Variants in ABLIM1 observed in about 807,000 individuals in gnomAD.
ABLIM1 encodes actin-binding LIM protein 1.
Under a neutral mutation model 107.0 loss-of-function variants are expected in ABLIM1, and 40 were observed. That is an observed-to-expected ratio of 0.37 (90% CI 0.29 to 0.49). The LOEUF is 0.49. Ranked by LOEUF, ABLIM1 falls within the 20% of genes least tolerant of loss-of-function variation. The pLI, the probability that ABLIM1 is intolerant of heterozygous loss-of-function variation, is 0.97. For synonymous variants in ABLIM1, 357 were observed against 357.3 expected (o/e 1.00, Z 0.01); for missense variants, 857 against 1,008.5 (o/e 0.85, Z 2.04).
Position 114,488,022 on chromosome 10 carries a change from A to C in ABLIM1, c.983-6T>G. On this transcript the variant is annotated splice_region_variant and splice_polypyrimidine_tract_variant and intron_variant, in intron 7 of 22. Coordinates refer to ENST00000533213, the MANE Select transcript of ABLIM1 (RefSeq NM_002313.7). ...GGGATGCCAAACGGTGGAGCCTGAG[A>C]AGACAGAATGCACTACTAAGAGCCA... The C allele has an allele frequency of 1.9e-6, 3 of 1,614,068 alleles. No homozygotes were observed. The highest frequency in any genetic ancestry group is 2.5e-6 in the Non-Finnish European group (3 of 1,179,990).
intron 12 of ABLIM1, among the ~76,000 whole-genome samples, chr10:114,458,033 A>G (rs2063156507): frequency 6.6e-6 from 1 of 152,124 alleles, no homozygotes; most frequent in Non-Finnish European, 1.5e-5. Flanking sequence ...AAATTGCACC[A>G]CTGCACTCCA....
chr10:114,767,378 CTT>C (rs2082921455), intron 1 of ABLIM1, among the ~76,000 whole-genome samples: 2 of 152,174 alleles, frequency 1.3e-5, no homozygotes, highest in South Asian at 4.1e-4. Context: ...GACTTGATCT[CTT>C]TAATATTTCA....
chr10:114,599,335 T>C (rs760115680), intron 2 of ABLIM1, among the ~76,000 whole-genome samples: 2 of 152,268 alleles, frequency 1.3e-5, no homozygotes, highest in South Asian at 2.1e-4. Flanking sequence ...ATTTGGTCCA[T>C]AGAATTAAAC....
At chr10:114,676,880 C>T (rs1371355883) in intron 1 of ABLIM1, among the ~76,000 whole-genome samples, 2 of 152,222 alleles carry the variant, frequency 1.3e-5, no homozygotes, top group East Asian at 3.9e-4. Context: ...GGAGTACAGG[C>T]GTGCACCAGC....
chr10:114,476,443 A>G (rs1270830328), intron 8 of ABLIM1, among the ~76,000 whole-genome samples: 2 of 152,028 alleles, frequency 1.3e-5, no homozygotes, highest in Non-Finnish European at 2.9e-5. Context: ...GGAGTTTGAG[A>G]CCAGCCTGGC....
Position 114,436,130 on chromosome 10 carries a change from CTT to C in ABLIM1, c.*128_*129del. 1 of 669,446 alleles carries C rather than the reference CTT, an allele frequency of 1.5e-6. No individual in the cohort carries two copies. The highest frequency in any genetic ancestry group is 2.6e-6 in the Non-Finnish European group (1 of 386,690). 41.5% of individuals were successfully genotyped at this position (669,446 alleles called of 1,614,324 possible). ...TTTGACTCATGGTGTTTTAACCAGACTTTCTCTTTTTGGTGTTGCTGAGCGAC... is the reference window on the plus strand; with the variant it reads ...TTTGACTCATGGTGTTTTAACCAGACTCTCTTTTTGGTGTTGCTGAGCGAC... On this transcript the variant is annotated 3_prime_UTR_variant, in exon 23 of 23. Coordinates refer to ENST00000533213, the MANE Select transcript of ABLIM1 (RefSeq NM_002313.7).
chr10:114,735,372 TA>T, intron 1 of ABLIM1, among the ~76,000 whole-genome samples: 1 of 152,216 alleles, frequency 6.6e-6, no homozygotes. Context: ...AAAACAACAA[TA>T]AAAAAATTCT....
Position 114,665,513 on chromosome 10 carries a change from A to C in ABLIM1, c.64+18777T>G, listed in dbSNP as rs576750658. On this transcript the variant is annotated intron_variant, in intron 1 of 23. Transcript: ENST00000369256. ...CGTCAAAGGACATGGAGAAGCTCTTAGAAAGAAAAACCTATCCTTCCACAT... is the reference window on the plus strand; with the variant it reads ...CGTCAAAGGACATGGAGAAGCTCTTCGAAAGAAAAACCTATCCTTCCACAT... Among the ~76,000 whole-genome samples, 4 of 152,378 alleles carry C rather than the reference A, an allele frequency of 2.6e-5. No homozygotes were observed. The South Asian group carries it at 8.3e-4, about 32-fold the overall frequency.
At chr10:114,518,405 C>T (rs2063230150) in intron 6 of ABLIM1, among the ~76,000 whole-genome samples, 1 of 151,722 alleles carries the variant, frequency 6.6e-6, no homozygotes, top group Non-Finnish European at 1.5e-5. Context: ...CCAGATAGTA[C>T]ATATTTTCAG....
At chr10:114,556,433 T>G (rs140142829) in intron 4 of ABLIM1, among the ~76,000 whole-genome samples, 6 of 152,324 alleles carry the variant, frequency 3.9e-5, no homozygotes, top group African/African-American at 1.4e-4. Context: ...GGCAAGGGTT[T>G]CCATCCCTCC....
chr10:114,705,748 A>G (rs187521750), intron 1 of ABLIM1, among the ~76,000 whole-genome samples: 11 of 152,372 alleles, frequency 7.2e-5, no homozygotes, highest in Non-Finnish European at 1.5e-4. Flanking sequence ...CTACCTTCCA[A>G]AGGAAGTTAT....
intron 6 of ABLIM1, among the ~76,000 whole-genome samples, chr10:114,506,950 C>T (rs957417679): frequency 2.0e-5 from 3 of 152,168 alleles, no homozygotes; most frequent in Non-Finnish European, 2.9e-5. Context: ...GTAGTTGATG[C>T]CTTAGCTTTG....
chr10:114,784,680 A>G, the ABLIM1 span, among the ~76,000 whole-genome samples: 2 of 119,638 alleles, frequency 1.7e-5, no homozygotes, highest in African/African-American at 3.3e-5. Context: ...AAAAAAAAAA[A>G]AAAGAAAAAG....
chr10:114,515,101 G>A (rs1198648138), intron 6 of ABLIM1, among the ~76,000 whole-genome samples: 3 of 152,192 alleles, frequency 2.0e-5, no homozygotes, highest in Non-Finnish European at 4.4e-5. Flanking sequence ...TCACATTAAA[G>A]GTAAGTCATG....
chr10:114,777,672 T>G, the ABLIM1 span, among the ~76,000 whole-genome samples: 2 of 152,196 alleles, frequency 1.3e-5, no homozygotes, highest in Non-Finnish European at 2.9e-5. Flanking sequence ...CATATGCTCC[T>G]GTGTGTTCAG....
the ABLIM1 span, among the ~76,000 whole-genome samples, chr10:114,774,333 A>G: frequency 1.3e-5 from 2 of 152,206 alleles, no homozygotes; most frequent in African/African-American, 4.8e-5. Context: ...TTCTGACTAG[A>G]GGAAACTCCC....
In ABLIM1 at chr10:114,623,429, G is replaced by C. The variant is rs114561913; in HGVS notation, c.245-21468C>G. ...ATGAAACATGGCTTTGTTTCATCCTGCTGGAGAGCCAGAGTGACAGTGATG... is the reference window on the plus strand; with the variant it reads ...ATGAAACATGGCTTTGTTTCATCCTCCTGGAGAGCCAGAGTGACAGTGATG... On this transcript the variant is annotated intron_variant, in intron 1 of 22. Coordinates refer to ENST00000533213, the MANE Select transcript of ABLIM1 (RefSeq NM_002313.7). Among the ~76,000 whole-genome samples, 529 of 152,302 alleles carry C rather than the reference G, an allele frequency of 3.5e-3. 2 individuals carry two copies. Among genetic ancestry groups the C allele is most frequent in the African/African-American group, 0.012 (503 of 41,570 alleles).
rs545171735 is a variant in ABLIM1 at position 114,580,419 on chromosome 10, C to T, written c.380-4820G>A. Among the ~76,000 whole-genome samples, 6 of 152,146 alleles carry T rather than the reference C, an allele frequency of 3.9e-5. No individual in the cohort carries two copies. The South Asian group carries it at 1.2e-3, about 31-fold the overall frequency. On this transcript the variant is annotated intron_variant, in intron 2 of 22. Coordinates refer to ENST00000533213, the MANE Select transcript of ABLIM1 (RefSeq NM_002313.7). ...CACAGGCTGGTTTCTTGCTATATTACACAGGCTGGTCTTGAACTCTCGGCC... is the reference window on the plus strand; with the variant it reads ...CACAGGCTGGTTTCTTGCTATATTATACAGGCTGGTCTTGAACTCTCGGCC...
intron 1 of ABLIM1, among the ~76,000 whole-genome samples, chr10:114,740,951 T>G (rs918424188): frequency 6.6e-6 from 1 of 151,162 alleles, no homozygotes; most frequent in Non-Finnish European, 1.5e-5. Context: ...GAGAATAGCT[T>G]GAACCTAGGA....
Sources: gnomAD v4.1 joint callset for allele counts (sites outside exome capture counted in the v4.1 genomes callset) on GRCh38, gnomAD v4.1.1 for gene constraint, MANE v1.5 for transcripts, NCBI Gene and HGNC (gene_info 2026-07-23, HGNC 2026-07-21) for gene names.